PTPRD: variants seen among roughly 807,000 people sequenced by gnomAD.
The protein encoded by PTPRD is receptor-type tyrosine-protein phosphatase delta.
A neutral mutation model predicts 214.5 loss-of-function variants in PTPRD; 34 were observed. The ratio of observed to expected loss-of-function variants is 0.16; its 90% CI spans 0.12 to 0.21. The LOEUF (loss-of-function observed/expected upper bound fraction) is 0.21. Among genes scored for constraint, PTPRD ranks in the 10% least tolerant of loss-of-function variants. The pLI is 1.00. For missense variants in PTPRD, 2,545 were observed against 2,398.7 expected (o/e 1.06, Z -1.27); for synonymous variants, 1,128 against 845.7 (o/e 1.33, Z -5.79).
chr9:10,197,357 T>A (rs1373030049), intron 3 of PTPRD, among the ~76,000 whole-genome samples: 1 of 152,164 alleles, frequency 6.6e-6, no homozygotes, highest in Non-Finnish European at 1.5e-5. Context: ...ATACCGAGGA[T>A]GTGAATGGAT....
intron 8 of PTPRD, among the ~76,000 whole-genome samples, chr9:9,573,215 A>T (rs949134732): frequency 2.7e-4 from 41 of 151,790 alleles, no homozygotes; most frequent in Admixed American, 1.1e-3. Context: ...CATAATGTTG[A>T]GCAAAAGAAA....
chr9:9,089,607 C>T (rs2099772596), intron 10 of PTPRD, among the ~76,000 whole-genome samples: 1 of 152,128 alleles, frequency 6.6e-6, no homozygotes, highest in African/African-American at 2.4e-5. Context: ...ATTAAGGTTC[C>T]TAAACTTTCC....
At chr9:8,367,399 G>T (rs750362889) in intron 39 of PTPRD, among the ~76,000 whole-genome samples, 8 of 152,100 alleles carry the variant, frequency 5.3e-5, no homozygotes, top group Non-Finnish European at 1.2e-4. Context: ...GTAACAATGT[G>T]GGGGAAGGGA....
chr9:8,316,251 G>A lies in PTPRD; in HGVS notation c.*1623C>T, dbSNP rs929302938. ...TTTGTACATGTGGTAAACAGATAAT[G>A]CTTTAATAGAAAGTAACAGATACGA... On this transcript the variant is annotated 3_prime_UTR_variant, in exon 46 of 46. Transcript: ENST00000381196. The A allele has an allele frequency of 4.4e-6, 1 of 229,778 alleles. No individual in the cohort carries two copies. The highest frequency in any genetic ancestry group is 8.6e-6 in the Non-Finnish European group (1 of 115,716). 14.2% of individuals were successfully genotyped at this position (229,778 alleles called of 1,614,324 possible). A position where few individuals can be genotyped will look rare whatever the true frequency, so the allele number is the denominator to read the frequency against.
At chr9:8,941,603 C>T (rs892693194) in intron 11 of PTPRD, among the ~76,000 whole-genome samples, 1 of 151,844 alleles carries the variant, frequency 6.6e-6, no homozygotes, top group Non-Finnish European at 1.5e-5. Flanking sequence ...TAAATATGCA[C>T]ATGTAAATTT....
chr9:10,206,957 A>G (rs1187278682), intron 3 of PTPRD, among the ~76,000 whole-genome samples: 1 of 152,170 alleles, frequency 6.6e-6, no homozygotes, highest in Non-Finnish European at 1.5e-5. Flanking sequence ...TCAGTTATGA[A>G]CAACATTATA....
chr9:9,445,210 C>T (rs1024721441), intron 8 of PTPRD, among the ~76,000 whole-genome samples: 1 of 152,170 alleles, frequency 6.6e-6, no homozygotes, highest in Non-Finnish European at 1.5e-5. Flanking sequence ...ACATCTGTCT[C>T]TATGAGAATC....
chr9:9,675,874 A>T (rs1250828025), intron 7 of PTPRD, among the ~76,000 whole-genome samples: 1 of 152,054 alleles, frequency 6.6e-6, no homozygotes, highest in African/African-American at 2.4e-5. Context: ...TGAGAGGAAA[A>T]AGTTATACCC....
chr9:9,797,068 T>TC (rs1451361424), intron 5 of PTPRD, among the ~76,000 whole-genome samples: 2 of 152,070 alleles, frequency 1.3e-5, no homozygotes, highest in African/African-American at 4.8e-5. Flanking sequence ...AAGACAGTGG[T>TC]CACACACTGT....
chr9:10,230,035 C>T (rs2099603379), intron 3 of PTPRD, among the ~76,000 whole-genome samples: 2 of 151,936 alleles, frequency 1.3e-5, no homozygotes, highest in South Asian at 4.1e-4. Context: ...AAGTTAGGCT[C>T]TTGATATTAA....
intron 3 of PTPRD, among the ~76,000 whole-genome samples, chr9:10,086,174 T>C (rs2098334124): frequency 6.6e-6 from 1 of 151,808 alleles, no homozygotes; most frequent in African/African-American, 2.4e-5. Flanking sequence ...ATAGTGAAAA[T>C]GCAAAGTCTA....
At chr9:9,501,681 C>T (rs948404103) in intron 8 of PTPRD, among the ~76,000 whole-genome samples, 10 of 151,836 alleles carry the variant, frequency 6.6e-5, no homozygotes, top group Non-Finnish European at 2.9e-5. Context: ...AAACTATACA[C>T]CTTACAAAAG....
At chr9:9,268,451 G>T (rs375427892) in intron 9 of PTPRD, among the ~76,000 whole-genome samples, 2 of 150,980 alleles carry the variant, frequency 1.3e-5, no homozygotes, top group Non-Finnish European at 3.0e-5. Context: ...GAGATATACA[G>T]ATTTAATGCA....
intron 11 of PTPRD, among the ~76,000 whole-genome samples, chr9:8,972,911 C>A (rs1211174176): frequency 6.6e-6 from 1 of 150,726 alleles, no homozygotes; most frequent in Non-Finnish European, 1.5e-5. Context: ...TTGAGTGGAT[C>A]AATGTTTTAG....
intron 2 of PTPRD, among the ~76,000 whole-genome samples, chr9:10,363,360 T>C (rs1447555387): frequency 2.0e-5 from 3 of 152,196 alleles, no homozygotes; most frequent in Non-Finnish European, 4.4e-5. Context: ...CAAGTTATAA[T>C]AAGAAATAGT....
intron 2 of PTPRD, among the ~76,000 whole-genome samples, chr9:10,577,098 AT>A (rs35243668): frequency 0.21 from 32,174 of 151,112 alleles, 3,694 homozygotes; most frequent in South Asian, 0.31. Context: ...TAAAGCTGTA[AT>A]TTTTTTTTTA....
At chr9:10,100,237 T>A (rs574959606) in intron 3 of PTPRD, among the ~76,000 whole-genome samples, 2 of 151,732 alleles carry the variant, frequency 1.3e-5, no homozygotes, top group African/African-American at 4.8e-5. Context: ...GTTTAGTACA[T>A]AGCATTTCAC....
intron 8 of PTPRD, among the ~76,000 whole-genome samples, chr9:9,512,478 G>C (rs1425431691): frequency 6.6e-6 from 1 of 151,894 alleles, no homozygotes; most frequent in East Asian, 1.9e-4. Flanking sequence ...TTAATAAGCT[G>C]ACACTATTTG....
chr9:9,663,710 T>A (rs1175152173), intron 7 of PTPRD, among the ~76,000 whole-genome samples: 1 of 151,614 alleles, frequency 6.6e-6, no homozygotes, highest in African/African-American at 2.4e-5. Context: ...TTTCACTTAT[T>A]TATTGGCAAA....
Sources: gnomAD v4.1 joint callset for allele counts (sites outside exome capture counted in the v4.1 genomes callset) on GRCh38, gnomAD v4.1.1 for gene constraint, MANE v1.5 for transcripts, NCBI Gene and HGNC (gene_info 2026-07-23, HGNC 2026-07-21) for gene names.